Variants in USP35 observed in about 807,000 individuals in gnomAD.
USP35 encodes ubiquitin specific peptidase 35.
Under a neutral mutation model 83.8 loss-of-function variants are expected in USP35, and 69 were observed. That is an observed-to-expected ratio of 0.82 (90% CI 0.68 to 1.01). The LOEUF (loss-of-function observed/expected upper bound fraction) is 1.01. USP35 is among the 50% of genes least tolerant of loss of function. The pLI, the probability that USP35 is intolerant of heterozygous loss-of-function variation, is 0.00. For missense variants in USP35, 1,503 were observed against 1,362.5 expected, an observed-to-expected ratio of 1.10 and a Z score of -1.62; for synonymous variants, 714 against 589.5, an observed-to-expected ratio of 1.21 and a Z score of -3.06.
the USP35 span, among the ~76,000 whole-genome samples, chr11:78,234,074 GTTTCT>G: frequency 3.9e-5 from 6 of 152,070 alleles, no homozygotes; most frequent in African/African-American, 1.4e-4. Flanking sequence ...TCTTCTAGAA[GTTTCT>G]TTTCTTTTCT....
the USP35 span, among the ~76,000 whole-genome samples, chr11:78,234,125 G>A: frequency 1.3e-5 from 2 of 152,150 alleles, no homozygotes; most frequent in South Asian, 2.1e-4. Flanking sequence ...CTGTCGCCCA[G>A]GCTGGAGTGC....
rs1000680777 is a variant in USP35 at position 78,198,787 on chromosome 11, A to C, written c.806+719A>C. On this transcript the variant is annotated intron_variant, in intron 3 of 10. Transcript: ENST00000529308. ...TGTGCGACCTTGGACAAGTTACTCA[A>C]CCTCTCTGTTTGAGTTTCCTCAACT... 6.3e-6 allele frequency: 5 copies of C among 796,928 alleles called. No individual in the cohort carries two copies. In the African/African-American group the frequency reaches 9.4e-5, roughly 15 times the overall value. The allele number at this position is 796,928 out of a possible 1,614,324, so 49.4% of individuals were successfully genotyped here. A position where few individuals can be genotyped will look rare whatever the true frequency, so the allele number is the denominator to read the frequency against.
At chr11:78,222,096 C>T in the USP35 span, 28 of 1,578,296 alleles carry the variant, frequency 1.8e-5, no homozygotes, top group South Asian at 1.7e-4. Flanking sequence ...CCCACACATA[C>T]GCACTTACTT....
the USP35 span, among the ~76,000 whole-genome samples, chr11:78,228,416 G>A: frequency 2.6e-5 from 4 of 152,148 alleles, no homozygotes; most frequent in Non-Finnish European, 4.4e-5. Context: ...AAAAGCTCTT[G>A]GAGTGTCTCA....
rs372488948 is a variant in USP35 at position 78,213,693 on chromosome 11, C to T, written c.2937C>T (p.Leu979=). 1.3e-4 allele frequency: 199 copies of T among 1,527,056 alleles called. 1 individual carries two copies. The African/African-American group carries it at 2.7e-3, about 21-fold the overall frequency. The allele number at this position is 1,527,056 out of a possible 1,614,324, so 94.6% of individuals were successfully genotyped here. ...ARSRAAYISA[L]PTSPHWGRGF... Reference sequence around the variant, plus strand: ...GCAGGGCGGCCTACATCTCTGCACTCCCCACATCTCCGCACTGGGGGAGGG... The same window carrying T: ...GCAGGGCGGCCTACATCTCTGCACTTCCCACATCTCCGCACTGGGGGAGGG... Residue 979 remains leucine (L), a synonymous_variant, in exon 11 of 11, where the codon CTC becomes CTT. Transcript: ENST00000529308.
At chr11:78,208,445 GCA>G (rs975403747) in intron 8 of USP35, among the ~76,000 whole-genome samples, 1 of 152,200 alleles carries the variant, frequency 6.6e-6, no homozygotes, top group Admixed American at 6.5e-5. Context: ...CTGTGTGGGG[GCA>G]CAGAAATGAG....
At chr11:78,209,060 G>A in intron 9 of USP35, 97 bp downstream of exon 9, 1 of 1,255,176 alleles carries the variant, frequency 8.0e-7, no homozygotes. Flanking sequence ...CAGGGAATAA[G>A]TGTGCTGCCT....
intron 10 of USP35, among the ~76,000 whole-genome samples, chr11:78,212,915 G>A (rs562634079): frequency 2.7e-4 from 41 of 152,176 alleles, no homozygotes; most frequent in Middle Eastern, 6.8e-3. Flanking sequence ...CTTCGGGTGT[G>A]GGGGGAGGGG....
the USP35 span, among the ~76,000 whole-genome samples, chr11:78,229,036 G>A: frequency 1.3e-5 from 2 of 152,170 alleles, no homozygotes; most frequent in African/African-American, 2.4e-5. Context: ...CCAGTGAGGG[G>A]TGGTCTGGGA....
intron 10 of USP35, among the ~76,000 whole-genome samples, chr11:78,212,808 ATGATTC>A (rs1377221874): frequency 6.6e-6 from 1 of 152,136 alleles, no homozygotes; most frequent in Non-Finnish European, 1.5e-5. Context: ...AGATAATGAC[ATGATTC>A]TGTATCATCT....
rs1485770630 is a variant in USP35 at position 78,214,878 on chromosome 11, T to TGAC, written c.*1066_*1068dup. Among the ~76,000 whole-genome samples the TGAC allele has an allele frequency of 1.5e-5, 2 of 137,014 alleles. No homozygotes were observed. The highest frequency in any genetic ancestry group is 3.0e-5 in the Non-Finnish European group (2 of 65,692). The allele number at this position is 137,014 out of a possible 152,430, so 89.9% of individuals were successfully genotyped here. A position where few individuals can be genotyped will look rare whatever the true frequency, so the allele number is the denominator to read the frequency against. Reference sequence around the variant, plus strand: ...GTGGGGTGTAAGTAAACGTGTGGACTGACTGACTTACTTACCTTACTGAGG... The same window carrying TGAC: ...GTGGGGTGTAAGTAAACGTGTGGACTGACGACTGACTTACTTACCTTACTGAGG... On this transcript the variant is annotated 3_prime_UTR_variant, in exon 11 of 11. Coordinates refer to ENST00000529308, the MANE Select transcript of USP35 (RefSeq NM_020798.4).
In USP35 at chr11:78,200,138, C is replaced by T. The variant is rs779173804; in HGVS notation, c.942C>T (p.Phe314=). The part of the protein sequence containing the change: ...EVSLTKIEKV[F]SKLLYPIVRG... ...GACCAGGGACTCTCTTGTAGGTTTT[C>T]TCTAAGCTGCTGTACCCCATCGTCC... The change falls in exon 5 of 11, where the codon TTC becomes TTT. Residue 314 remains phenylalanine, a synonymous_variant. Transcript: ENST00000529308. The T allele has an allele frequency of 1.9e-6, 3 of 1,614,108 alleles. No individual in the cohort carries two copies. The highest frequency in any genetic ancestry group is 1.7e-6 in the Non-Finnish European group (2 of 1,180,044).
chr11:78,209,809 A>G lies in USP35; in HGVS notation c.1954A>G (p.Thr652Ala), dbSNP rs774992344. The change falls in exon 10 of 11, where the codon ACC (threonine) becomes GCC (alanine). Residue 652 changes from threonine to alanine, a missense_variant. By Grantham distance (58) the Thr-to-Ala change is moderately conservative (BLOSUM62 0). Transcript: ENST00000529308. ...RQRKHCITEDTPPTSLYIEGL... is the reference protein window; with the variant it reads ...RQRKHCITEDAPPTSLYIEGL... ...AAGGAAACACTGCATCACAGAGGACACCCCCCCCACCAGCCTGTACATCGA... is the reference window on the plus strand; with the variant it reads ...AAGGAAACACTGCATCACAGAGGACGCCCCCCCCACCAGCCTGTACATCGA... 1.2e-6 allele frequency: 2 copies of G among 1,610,010 alleles called. No individual in the cohort carries two copies. Among genetic ancestry groups the G allele is most frequent in the Non-Finnish European group, 1.7e-6 (2 of 1,178,592 alleles).
chr11:78,210,082 G>C lies in USP35; in HGVS notation c.2227G>C (p.Asp743His). Residue 743 changes from aspartate to histidine, a missense_variant, in exon 10 of 11, where the codon GAT becomes CAT. Asp to His is a moderately conservative substitution (Grantham distance 81, BLOSUM62 -1). Coordinates refer to ENST00000529308, the MANE Select transcript of USP35 (RefSeq NM_020798.4). ...EDSLGAGTHP[D>H]AAIPSGERTC... ...CAGCCTGGGAGCGGGGACCCACCCG[G>C]ATGCTGCCATCCCCTCCGGGGAGCG... is the stretch of plus-strand genomic sequence containing the variant. 1 of 1,614,038 alleles carries C rather than the reference G, an allele frequency of 6.2e-7. No homozygotes were observed.
chr11:78,209,288 G>T lies in USP35; in HGVS notation c.1593-160G>T, dbSNP rs200708420. Among the ~76,000 whole-genome samples the T allele has an allele frequency of 1.6e-3, 179 of 110,526 alleles. 1 individual carries two copies. The highest frequency in any genetic ancestry group is 4.6e-3 in the African/African-American group (169 of 36,732). 72.5% of individuals were successfully genotyped at this position (110,526 alleles called of 152,430 possible). On this transcript the variant is annotated intron_variant, in intron 9 of 10. Transcript: ENST00000529308. ...GGGTGAGTGTAGCAAGCGTGCTGTT[G>T]TGAGCATGTACGTGGATGTGTGGGT...
the USP35 span, chr11:78,223,800 G>C: frequency 4.1e-5 from 33 of 797,256 alleles, no homozygotes; most frequent in African/African-American, 5.4e-4. Flanking sequence ...GAAGCTGTAA[G>C]GGAGACCTTG....
At chr11:78,208,323 A>G (rs370497177) in intron 8 of USP35, among the ~76,000 whole-genome samples, 2 of 152,046 alleles carry the variant, frequency 1.3e-5, no homozygotes, top group African/African-American at 4.8e-5. Context: ...ATTTTTGAGT[A>G]CCCACATGGC....
Position 78,210,579 on chromosome 11 carries a change from C to T in USP35, c.2724C>T (p.Asn908=), listed in dbSNP as rs373447126. 2.7e-4 allele frequency: 442 copies of T among 1,613,770 alleles called. No homozygotes were observed. Among genetic ancestry groups the T allele is most frequent in the Non-Finnish European group, 3.4e-4 (402 of 1,179,660 alleles). Residue 908 remains asparagine (N), a synonymous_variant, in exon 10 of 11, where the codon AAC becomes AAT. Coordinates refer to ENST00000529308, the MANE Select transcript of USP35 (RefSeq NM_020798.4). Reference sequence around the variant, plus strand: ...TCTCTTCCTTCGAATCTGTCAGCAACGTCACCTCCTTCTTCCCTAAGGACA... The same window carrying T: ...TCTCTTCCTTCGAATCTGTCAGCAATGTCACCTCCTTCTTCCCTAAGGACA... ...VSFSSFESVS[N]VTSFFPKDTA...
rs367752204 is a variant in USP35 at position 78,208,953 on chromosome 11, C to T, written c.1582C>T (p.Leu528=). ...QQDCSEYLKY[L]LDRLHEEEKT... ...GGACTGCTCGGAGTATCTGAAGTAC[C>T]TGCTGGATCGGTAAGGGGGCCAGGG... Residue 528 remains leucine (L), a synonymous_variant, in exon 9 of 11, where the codon CTG becomes TTG. Transcript: ENST00000529308. 3 of 1,614,132 alleles carry T rather than the reference C, an allele frequency of 1.9e-6. No homozygotes were observed. Among genetic ancestry groups the T allele is most frequent in the Admixed American group, 1.7e-5 (1 of 60,010 alleles).
Sources: gnomAD v4.1 joint callset for allele counts (sites outside exome capture counted in the v4.1 genomes callset) on GRCh38, gnomAD v4.1.1 for gene constraint, MANE v1.5 for transcripts, NCBI Gene and HGNC (gene_info 2026-07-23, HGNC 2026-07-21) for gene names.